CAPN5: variants seen among roughly 807,000 people sequenced by gnomAD.
CAPN5 encodes the protein calpain-5.
CAPN5 carries 54 observed loss-of-function variants against 73.0 expected under a neutral mutation model. The observed-to-expected ratio is 0.74, with a 90% CI of 0.59 to 0.93. CAPN5 has a LOEUF of 0.93. Ranked by LOEUF, CAPN5 falls within the 40% of genes least tolerant of loss-of-function variation. The pLI, the probability that CAPN5 is intolerant of heterozygous loss-of-function variation, is 0.00. For synonymous variants in CAPN5, 335 were observed against 356.9 expected, an observed-to-expected ratio of 0.94 and a Z score of 0.69; for missense variants, 785 against 882.9, an observed-to-expected ratio of 0.89 and a Z score of 1.41.
intron 1 of CAPN5, among the ~76,000 whole-genome samples, chr11:77,075,673 G>T (rs1480794182): frequency 2.6e-5 from 4 of 152,176 alleles, no homozygotes; most frequent in Non-Finnish European, 5.9e-5. Flanking sequence ...CACTGTGCTG[G>T]CTTTTTTTGT....
intron 3 of CAPN5, among the ~76,000 whole-genome samples, chr11:77,096,771 AGCCGGGCCTGG>A (rs1950213150): frequency 1.3e-5 from 2 of 152,356 alleles, no homozygotes; most frequent in South Asian, 4.1e-4. Context: ...TGAGCCACAG[AGCCGGGCCTGG>A]GCCCAGGAGG....
rs369845664 is a variant in CAPN5, at chr11:77,119,039, G to A, written c.1177G>A (p.Glu393Lys). Residue 393 changes from glutamate to lysine, a missense_variant, in exon 9 of 13, where the codon GAA (glutamate) becomes AAA (lysine). Transcript: ENST00000648180. ...TFFQNPQYIF[E>K]VKKPEDEVLI... The stretch of plus-strand genomic sequence containing the variant: ...TTGGCCACACCTGCAGTACATCTTC[G>A]AAGTCAAGAAGCCAGAAGATGAAGT... 19 of 1,613,172 alleles carry A rather than the reference G, an allele frequency of 1.2e-5. No individual in the cohort carries two copies. The highest frequency in any genetic ancestry group is 1.5e-5 in the Non-Finnish European group (18 of 1,179,588).
At chr11:77,108,241 G>T (rs1039897047) in intron 3 of CAPN5, among the ~76,000 whole-genome samples, 3 of 152,200 alleles carry the variant, frequency 2.0e-5, no homozygotes, top group African/African-American at 7.2e-5. Flanking sequence ...GTCAGACTTG[G>T]CCCCTGTCCC....
intron 2 of CAPN5, among the ~76,000 whole-genome samples, chr11:77,087,323 G>A (rs1179141405): frequency 1.3e-5 from 2 of 152,196 alleles, no homozygotes; most frequent in East Asian, 1.9e-4. Flanking sequence ...TATCATTAAC[G>A]CCCAGCTGCT....
In CAPN5 at chr11:77,124,810, T is replaced by C. The variant is rs1555043582; in HGVS notation, c.*940T>C. On this transcript the variant is annotated 3_prime_UTR_variant, in exon 13 of 13. Transcript: ENST00000648180. ...TTTCCTGGAAGATGGGACTCTGGGG[T>C]GTGTGGTGCTCACCAGAGTCAGGCC... 6.6e-6 allele frequency: 1 copy of C among 151,996 alleles called. No homozygotes were observed. The highest frequency in any genetic ancestry group is 2.4e-5 in the African/African-American group (1 of 41,366). 9.4% of individuals were successfully genotyped at this position (151,996 alleles called of 1,614,324 possible).
Position 77,078,923 on chromosome 11 carries a change from T to C in CAPN5, c.-35-5929T>C, listed in dbSNP as rs191763692. 8.7e-4 allele frequency among the ~76,000 whole-genome samples: 133 copies of C among 152,316 alleles called. 1 individual carries two copies. The highest frequency in any genetic ancestry group is 9.6e-4 in the Non-Finnish European group (65 of 68,018). ...AATGCTACTGATTTCTGTGTATTCC[T>C]TCTATACCTATTTTGTTCAGAATTT... On this transcript the variant is annotated intron_variant, in intron 1 of 12. Coordinates refer to ENST00000648180, the MANE Select transcript of CAPN5 (RefSeq NM_004055.5).
intron 1 of CAPN5, among the ~76,000 whole-genome samples, chr11:77,084,290 G>T (rs188450466): frequency 6.6e-6 from 1 of 152,212 alleles, no homozygotes; most frequent in African/African-American, 2.4e-5. Flanking sequence ...CCATGGGCCT[G>T]CTCTCTACAG....
intron 9 of CAPN5, chr11:77,120,278 C>T (rs1950509227): frequency 6.5e-6 from 1 of 154,122 alleles, no homozygotes; most frequent in South Asian, 2.1e-4. Context: ...GAACGTCCAG[C>T]TTCAAGTGTT....
At chr11:77,100,351 C>A (rs1591131192) in intron 3 of CAPN5, among the ~76,000 whole-genome samples, 1 of 151,980 alleles carries the variant, frequency 6.6e-6, no homozygotes, top group South Asian at 2.1e-4. Flanking sequence ...AGTCCACCCC[C>A]TCTGCCTCCT....
chr11:77,098,203 C>T (rs1282859019), intron 3 of CAPN5, among the ~76,000 whole-genome samples: 2 of 74,116 alleles, frequency 2.7e-5, no homozygotes, highest in Non-Finnish European at 5.1e-5. Flanking sequence ...ACCTCCCGGA[C>T]GGGGCGGCTG....
chr11:77,108,982 G>A (rs984815922), intron 3 of CAPN5, among the ~76,000 whole-genome samples: 6 of 152,158 alleles, frequency 3.9e-5, no homozygotes, highest in African/African-American at 1.4e-4. Flanking sequence ...CATGGTGTGG[G>A]TTTTGTTGAC....
intron 4 of CAPN5, among the ~76,000 whole-genome samples, chr11:77,113,359 GT>G (rs1189505351): frequency 1.5e-4 from 23 of 152,232 alleles, no homozygotes; most frequent in African/African-American, 5.3e-4. Flanking sequence ...CACAAGCAAA[GT>G]TTTGCTGAGC....
At chr11:77,077,083 A>AC (rs1443141802) in intron 1 of CAPN5, among the ~76,000 whole-genome samples, 1 of 152,240 alleles carries the variant, frequency 6.6e-6, no homozygotes, top group African/African-American at 2.4e-5. Context: ...TAAGTCAGGC[A>AC]CAGTGGCTCA....
In CAPN5 at chr11:77,123,930, C is replaced by A; in HGVS notation, c.*60C>A. ...CCACCATCTGCATGTCCCCACTGGG[C>A]CTGAGTCTAGCCTGGGAGCCAGGAT... On this transcript the variant is annotated 3_prime_UTR_variant, in exon 13 of 13. Coordinates refer to ENST00000648180, the MANE Select transcript of CAPN5 (RefSeq NM_004055.5). 1.3e-6 allele frequency: 2 copies of A among 1,524,906 alleles called. No homozygotes were observed. The highest frequency in any genetic ancestry group is 1.8e-6 in the Non-Finnish European group (2 of 1,113,178). The allele number at this position is 1,524,906 out of a possible 1,614,324, so 94.5% of individuals were successfully genotyped here.
chr11:77,112,154 G>A (rs1174090693), intron 3 of CAPN5, among the ~76,000 whole-genome samples: 2 of 152,116 alleles, frequency 1.3e-5, no homozygotes, highest in African/African-American at 4.8e-5. Flanking sequence ...ATGGATTTCA[G>A]GAGAATGGAG....
chr11:77,122,537 A>ACC, intron 11 of CAPN5, 39 bp from the exon 12 acceptor site: 2 of 427,578 alleles, frequency 4.7e-6, no homozygotes, highest in Non-Finnish European at 8.8e-6. Context: ...CACAGCCCCC[A>ACC]CCCCCACCCT....
At chr11:77,101,574 C>A (rs1300738000) in intron 3 of CAPN5, among the ~76,000 whole-genome samples, 1 of 152,190 alleles carries the variant, frequency 6.6e-6, no homozygotes, top group African/African-American at 2.4e-5. Context: ...CCCTTGGTGC[C>A]CCTCTGCTGT....
intron 1 of CAPN5, among the ~76,000 whole-genome samples, chr11:77,078,178 T>A (rs1198055363): frequency 6.6e-6 from 1 of 152,246 alleles, no homozygotes; most frequent in Non-Finnish European, 1.5e-5. Context: ...TGTTTTCTTC[T>A]AGTAGTTTCA....
chr11:77,078,078 C>G (rs1294634980), intron 1 of CAPN5, among the ~76,000 whole-genome samples: 1 of 152,046 alleles, frequency 6.6e-6, no homozygotes, highest in Non-Finnish European at 1.5e-5. Flanking sequence ...TATGTAATCC[C>G]TTTTGTCTAT....
Sources: allele counts gnomAD v4.1 joint callset (sites outside exome capture counted in the v4.1 genomes callset), GRCh38; gene constraint gnomAD v4.1.1; transcripts MANE v1.5; gene names NCBI Gene and HGNC (gene_info 2026-07-23, HGNC 2026-07-21).